The following TAF1 variants were observed in gnomAD, a reference collection of about 807,000 sequenced individuals.
The protein encoded by TAF1 is TATA-box binding protein associated factor 1, also known as transcription initiation factor TFIID subunit 1.
TAF1 carries 2 observed loss-of-function variants against 138.5 expected under a neutral mutation model. That is an observed-to-expected ratio of 0.01 (90% CI 0.01 to 0.05). The LOEUF (loss-of-function observed/expected upper bound fraction) is 0.05, where lower values mean the gene tolerates loss of function less well. Ranked by LOEUF, TAF1 falls within the 10% of genes least tolerant of loss-of-function variation. TAF1 has a pLI of 1.00. For synonymous variants in TAF1, 437 were observed against 503.2 expected (o/e 0.87, Z 1.76); for missense variants, 709 against 1,478.0 (o/e 0.48, Z 8.53).
At chrX:71,504,741 CAAAAAAAAAAAA>C (rs41370846) in intron 13 of TAF1, among the ~76,000 whole-genome samples, 21 of 5,689 alleles carry the variant, frequency 3.7e-3, no homozygotes, top group African/African-American at 5.9e-3. Flanking sequence ...GACCCTGTCT[CAAAAAAAAAAAA>C]AAAAAAAAAA....
chrX:71,514,463 CAA>C (rs990209662), intron 13 of TAF1, among the ~76,000 whole-genome samples: 18 of 39,746 alleles, frequency 4.5e-4, no homozygotes, highest in Non-Finnish European at 7.7e-4. Context: ...AAAACTAAAC[CAA>C]AAAAAAAAAA....
downstream of TAF1, among the ~76,000 whole-genome samples, chrX:71,468,960 C>T (rs1461974000): frequency 8.9e-6 from 1 of 111,866 alleles, no homozygotes; most frequent in Admixed American, 9.5e-5. Flanking sequence ...TGCACTCCAG[C>T]CTGGGCAACA....
intron 32 of TAF1, among the ~76,000 whole-genome samples, chrX:71,437,565 C>T (rs576877195): frequency 6.6e-5 from 7 of 106,075 alleles, no homozygotes; most frequent in South Asian, 8.5e-4. Flanking sequence ...AAAAATTAGC[C>T]GGGACTGGTG....
At chrX:71,506,890 A>G (rs1364286645) in intron 13 of TAF1, among the ~76,000 whole-genome samples, 1 of 112,148 alleles carries the variant, frequency 8.9e-6, no homozygotes, top group East Asian at 2.8e-4. Flanking sequence ...ATAGAACTGA[A>G]TAGTATTTCA....
chrX:71,474,954 T>G (rs188279121), intron 13 of TAF1, among the ~76,000 whole-genome samples: 75 of 111,754 alleles, frequency 6.7e-4, no homozygotes, highest in African/African-American at 2.4e-3. Flanking sequence ...TGCTAGAGTT[T>G]CTGGGAGTGT....
intron 32 of TAF1, among the ~76,000 whole-genome samples, chrX:71,452,112 C>A (rs910020719): frequency 3.9e-5 from 4 of 103,543 alleles, no homozygotes; most frequent in African/African-American, 7.1e-5. Flanking sequence ...GGGGCTGACC[C>A]CCCCCCCCAC....
At chrX:71,393,256 G>GTGTGTGTGTGTA (rs1285777421) in intron 20 of TAF1, 45 bp from the exon 21 acceptor site, 1 of 1,143,640 alleles carries the variant, frequency 8.7e-7, no homozygotes, top group African/African-American at 1.8e-5. Context: ...GTGTGTGTGT[G>GTGTGTGTGTGTA]TGTGTGTGTA....
intron 13 of TAF1, among the ~76,000 whole-genome samples, chrX:71,525,452 G>A (rs1456599201): frequency 9.0e-6 from 1 of 111,728 alleles, no homozygotes; most frequent in South Asian, 3.7e-4. Flanking sequence ...CTTTAAAGCT[G>A]TGTAACTGGA....
intron 9 of TAF1, among the ~76,000 whole-genome samples, 180 bp downstream of exon 9, chrX:71,382,099 C>T (rs1392194883): frequency 1.8e-5 from 2 of 111,969 alleles, no homozygotes; most frequent in Non-Finnish European, 3.8e-5. Flanking sequence ...TTAGGGAACA[C>T]TCACGTAGGA....
At chrX:71,491,253 C>T (rs1439196067) in intron 13 of TAF1, 1 of 109,449 alleles carries the variant, frequency 9.1e-6, no homozygotes, top group Non-Finnish European at 1.9e-5. Flanking sequence ...AGAGCCCAAT[C>T]CAGTTAAGGC....
At chrX:71,490,643 C>T (rs957814009) in intron 13 of TAF1, among the ~76,000 whole-genome samples, 1 of 111,230 alleles carries the variant, frequency 9.0e-6, no homozygotes, top group African/African-American at 3.3e-5. Flanking sequence ...CTACATAGTA[C>T]TGGCATTAAA....
At chrX:71,407,483 G>T in intron 26 of TAF1, 91 bp from the exon 27 acceptor site, 1 of 836,450 alleles carries the variant, frequency 1.2e-6, no homozygotes, top group Non-Finnish European at 1.8e-6. Flanking sequence ...CTCCCAAAGT[G>T]CTGGGATTAC....
At chrX:71,514,481 A>G (rs1481144032) in intron 13 of TAF1, among the ~76,000 whole-genome samples, 1 of 108,056 alleles carries the variant, frequency 9.3e-6, no homozygotes, top group East Asian at 2.9e-4. Flanking sequence ...AAAAAAAAAA[A>G]AAACCCTCAC....
intron 32 of TAF1, among the ~76,000 whole-genome samples, chrX:71,446,108 C>T (rs1223591181): frequency 3.6e-5 from 4 of 110,358 alleles, no homozygotes; most frequent in East Asian, 2.8e-4. Context: ...ATGGGGTTTC[C>T]CCATGTTTCC....
intron 3 of TAF1, among the ~76,000 whole-genome samples, chrX:71,373,507 A>G (rs1391917184): frequency 1.8e-5 from 2 of 111,254 alleles, no homozygotes; most frequent in Non-Finnish European, 3.8e-5. Flanking sequence ...ATAAATGTAT[A>G]TTGGGGGTTA....
chrX:71,393,328 A>G lies in TAF1; in HGVS notation c.3079A>G (p.Ile1027Val). The change falls in exon 21 of 38, where the codon ATT becomes GTT. Residue 1027 changes from isoleucine (I) to valine (V), a missense_variant. By Grantham distance (29) the Ile-to-Val change is conservative. This residue lies in a region of TAF1 where 31 missense variants were observed against 140.4 expected (regional missense o/e 0.22). Transcript: ENST00000423759. ...EIKKLSRWEV[I>V]DVVRTMSTEQ... ...TAAAAAGTTGTCCCGCTGGGAAGTG[A>G]TTGATGTGGTGCGCACAATGTCAAC... The G allele has an allele frequency of 8.3e-7, 1 of 1,204,315 alleles. No homozygotes were observed. Among genetic ancestry groups the G allele is most frequent in the East Asian group, 3.0e-5 (1 of 33,728 alleles).
At chrX:71,376,423 A>G (rs1041636108) in intron 4 of TAF1, among the ~76,000 whole-genome samples, 1 of 111,030 alleles carries the variant, frequency 9.0e-6, no homozygotes, top group Non-Finnish European at 1.9e-5. Context: ...TAATCCGAGC[A>G]CTTTGGGAGG....
rs1231094459 is a variant in TAF1 at position 71,464,724 on chromosome X, A to C, written c.*678A>C. On this transcript the variant is annotated 3_prime_UTR_variant, in exon 38 of 38. Coordinates refer to ENST00000423759, the MANE Select transcript of TAF1 (RefSeq NM_004606.5). ...CAGTCTCAAAAAAAAAAAAATTTCC[A>C]AGCATGGTATCATCTCACTTTTCTA... is the stretch of plus-strand genomic sequence containing the variant. The C allele has an allele frequency of 8.7e-6, 1 of 115,293 alleles. No homozygotes were observed. Among genetic ancestry groups the C allele is most frequent in the African/African-American group, 3.3e-5 (1 of 30,664 alleles). The allele number at this position is 115,293 out of a possible 1,213,427, so 9.5% of individuals were successfully genotyped here.
chrX:71,449,783 G>GT (rs1240796444), intron 32 of TAF1, among the ~76,000 whole-genome samples: 1 of 111,154 alleles, frequency 9.0e-6, no homozygotes, highest in Non-Finnish European at 1.9e-5. Context: ...TTCTTTTTTT[G>GT]TTTTTTTGAG....
Sources: gnomAD v4.1 joint callset for allele counts (sites outside exome capture counted in the v4.1 genomes callset) on GRCh38, gnomAD v4.1.1 for gene constraint, gnomAD v4.1.1 regional missense constraint, MANE v1.5 for transcripts, NCBI Gene and HGNC (gene_info 2026-07-23, HGNC 2026-07-21) for gene names.